Variants in GRM7 observed in about 807,000 individuals in gnomAD.
GRM7 encodes the protein metabotropic glutamate receptor 7.
Under a neutral mutation model 84.5 loss-of-function variants are expected in GRM7, and 35 were observed. The ratio of observed to expected loss-of-function variants is 0.41; its 90% confidence interval spans 0.32 to 0.55. The LOEUF (loss-of-function observed/expected upper bound fraction) is 0.55, where lower values mean the gene tolerates loss of function less well. Among genes scored for constraint, GRM7 ranks in the 20% least tolerant of loss-of-function variants. GRM7 has a pLI of 0.19. For missense variants in GRM7, 1,003 were observed against 1,194.6 expected (o/e 0.84, Z 2.36); for synonymous variants, 487 against 455.1 (o/e 1.07, Z -0.89).
intron 1 of GRM7, among the ~76,000 whole-genome samples, chr3:6,869,274 A>G (rs1379657328): frequency 3.3e-5 from 5 of 152,280 alleles, no homozygotes; most frequent in African/African-American, 4.8e-5. Context: ...CACACCTTTC[A>G]CCAATTTTCT....
At chr3:7,452,113 G>C (rs1179403541) in intron 5 of GRM7, among the ~76,000 whole-genome samples, 1 of 152,144 alleles carries the variant, frequency 6.6e-6, no homozygotes, top group Admixed American at 6.6e-5. Flanking sequence ...AAAGGGAAGA[G>C]AAAGAAAACG....
intron 2 of GRM7, among the ~76,000 whole-genome samples, chr3:7,178,846 C>T (rs539041560): frequency 5.3e-5 from 8 of 151,860 alleles, no homozygotes; most frequent in South Asian, 2.1e-4. Context: ...TTTGGGAGGC[C>T]GAGGTGGGTG....
intron 2 of GRM7, among the ~76,000 whole-genome samples, chr3:7,179,575 AT>A (rs1695270193): frequency 6.6e-6 from 1 of 152,322 alleles, no homozygotes; most frequent in East Asian, 1.9e-4. Flanking sequence ...AAGGTGGTTG[AT>A]TTTATCCACC....
At chr3:7,234,661 AT>A (rs1336754418) in intron 2 of GRM7, among the ~76,000 whole-genome samples, 2 of 152,096 alleles carry the variant, frequency 1.3e-5, no homozygotes, top group African/African-American at 2.4e-5. Flanking sequence ...TTTTTCAGAT[AT>A]TTTTCTGGCA....
At chr3:7,567,522 T>C (rs1694358447) in intron 7 of GRM7, among the ~76,000 whole-genome samples, 1 of 151,382 alleles carries the variant, frequency 6.6e-6, no homozygotes, top group African/African-American at 2.4e-5. Context: ...CCAAGGTGGG[T>C]GGATTGCATG....
intron 5 of GRM7, among the ~76,000 whole-genome samples, chr3:7,428,319 G>A (rs1412471044): frequency 6.6e-6 from 1 of 152,282 alleles, no homozygotes; most frequent in East Asian, 1.9e-4. Context: ...GAGAAAATTT[G>A]CAGAGGTCGT....
At chr3:7,508,257 T>C (rs1217878671) in intron 7 of GRM7, among the ~76,000 whole-genome samples, 4 of 152,076 alleles carry the variant, frequency 2.6e-5, no homozygotes, top group Non-Finnish European at 5.9e-5. Flanking sequence ...GATTTATAAT[T>C]AGCCATGTGA....
intron 2 of GRM7, among the ~76,000 whole-genome samples, chr3:7,228,559 G>C (rs1164838431): frequency 6.6e-6 from 1 of 152,170 alleles, no homozygotes; most frequent in African/African-American, 2.4e-5. Context: ...TCTAGAGAAA[G>C]AGTGAATGAT....
At chr3:7,664,774 G>GCACT (rs1699613596) in intron 8 of GRM7, among the ~76,000 whole-genome samples, 3 of 152,186 alleles carry the variant, frequency 2.0e-5, no homozygotes, top group Admixed American at 2.0e-4. Context: ...AGATACTGGG[G>GCACT]CACTCAATGC....
At chr3:7,501,823 C>A (rs1448654221) in intron 7 of GRM7, among the ~76,000 whole-genome samples, 1 of 152,078 alleles carries the variant, frequency 6.6e-6, no homozygotes, top group East Asian at 1.9e-4. Context: ...TGGAAATAAA[C>A]AATTGGAAAC....
At chr3:7,045,024 A>G (rs1696753665) in intron 1 of GRM7, among the ~76,000 whole-genome samples, 1 of 152,068 alleles carries the variant, frequency 6.6e-6, no homozygotes, top group African/African-American at 2.4e-5. Flanking sequence ...ACCTGTTTCT[A>G]TTTCTGTTTC....
chr3:7,050,005 A>G lies in GRM7; in HGVS notation c.520-96447A>G, dbSNP rs576675064. 1.1e-3 allele frequency among the ~76,000 whole-genome samples: 161 copies of G among 152,026 alleles called. 1 individual carries two copies. The highest frequency in any genetic ancestry group is 3.5e-3 in the African/African-American group (144 of 41,526). On this transcript the variant is annotated intron_variant, in intron 1 of 9. Coordinates refer to ENST00000357716, the MANE Select transcript of GRM7 (RefSeq NM_000844.4). ...AATAGACAGTCATTGTAAAGTTCTA[A>G]TCAGGAAAGTATCATGGCTATATTT...
intron 9 of GRM7, among the ~76,000 whole-genome samples, chr3:7,738,884 C>T (rs751017083): frequency 6.6e-6 from 1 of 151,994 alleles, no homozygotes; most frequent in Non-Finnish European, 1.5e-5. Context: ...GAAAGTTTTC[C>T]TCCTTGTACC....
intron 5 of GRM7, among the ~76,000 whole-genome samples, chr3:7,438,375 A>G (rs1471109238): frequency 6.6e-6 from 1 of 152,004 alleles, no homozygotes; most frequent in Non-Finnish European, 1.5e-5. Context: ...AAATGAGAGC[A>G]ATCATGACAC....
intron 1 of GRM7, among the ~76,000 whole-genome samples, chr3:6,903,097 G>C (rs1371653616): frequency 6.6e-6 from 1 of 151,886 alleles, no homozygotes; most frequent in African/African-American, 2.4e-5. Context: ...AACACATTGT[G>C]CATCTTTATT....
chr3:7,275,604 A>G (rs889811267), intron 2 of GRM7, among the ~76,000 whole-genome samples: 2 of 152,140 alleles, frequency 1.3e-5, no homozygotes, highest in Admixed American at 6.5e-5. Flanking sequence ...AGCTGGCGGT[A>G]GTTGGGGATT....
At chr3:7,336,811 A>G (rs1234746592) in intron 4 of GRM7, among the ~76,000 whole-genome samples, 1 of 151,966 alleles carries the variant, frequency 6.6e-6, no homozygotes, top group African/African-American at 2.4e-5. Context: ...AAATCTATAT[A>G]TAATATTTGG....
Position 7,158,201 on chromosome 3 carries a change from G to C in GRM7, c.736+11533G>C, listed in dbSNP as rs183198100. 4.7e-4 allele frequency among the ~76,000 whole-genome samples: 71 copies of C among 152,094 alleles called. 1 individual carries two copies. Among genetic ancestry groups the C allele is most frequent in the Non-Finnish European group, 8.2e-4 (56 of 68,012 alleles). ...GAATTGAAATGCAAACGTAGGTAAG[G>C]GTTACTATTCTGTCATAAAACAAAC... On this transcript the variant is annotated intron_variant, in intron 2 of 9. Coordinates refer to ENST00000357716, the MANE Select transcript of GRM7 (RefSeq NM_000844.4).
At chr3:7,074,056 G>A (rs185072500) in intron 1 of GRM7, among the ~76,000 whole-genome samples, 1 of 152,268 alleles carries the variant, frequency 6.6e-6, no homozygotes, top group African/African-American at 2.4e-5. Context: ...AAGAGGATAA[G>A]AAAAGAGATA....
Sources: allele counts gnomAD v4.1 joint callset (sites outside exome capture counted in the v4.1 genomes callset), GRCh38; gene constraint gnomAD v4.1.1; transcripts MANE v1.5; gene names NCBI Gene and HGNC (gene_info 2026-07-23, HGNC 2026-07-21).